The following TENM4 variants were observed in gnomAD, a reference collection of about 807,000 sequenced individuals.
The protein encoded by TENM4 is teneurin transmembrane protein 4, also known as teneurin-4.
A neutral mutation model predicts 243.3 loss-of-function variants in TENM4; 82 were observed. The ratio of observed to expected loss-of-function variants is 0.34; its 90% CI spans 0.28 to 0.40. The LOEUF (loss-of-function observed/expected upper bound fraction) is 0.40. TENM4 is among the 10% of genes least tolerant of loss of function. TENM4 has a pLI of 1.00. For missense variants in TENM4, 3,138 were observed against 3,673.3 expected, an observed-to-expected ratio of 0.85 and a Z score of 3.77; for synonymous variants, 1,412 against 1,456.3, an observed-to-expected ratio of 0.97 and a Z score of 0.69.
intron 6 of TENM4, among the ~76,000 whole-genome samples, chr11:79,061,955 G>A (rs542425520): frequency 7.2e-6 from 1 of 139,508 alleles, no homozygotes; most frequent in Non-Finnish European, 1.5e-5. Flanking sequence ...TGAGATAATC[G>A]GTGGCAACTA....
intron 28 of TENM4, among the ~76,000 whole-genome samples, chr11:78,699,242 C>A (rs1331592658): frequency 6.6e-6 from 1 of 152,214 alleles, no homozygotes; most frequent in Non-Finnish European, 1.5e-5. Flanking sequence ...GAACCTCATA[C>A]TATTCCTATG....
intron 1 of TENM4, among the ~76,000 whole-genome samples, chr11:79,303,760 A>G (rs1856584450): frequency 6.6e-6 from 1 of 152,190 alleles, no homozygotes; most frequent in South Asian, 2.1e-4. Flanking sequence ...ATGAGTTACT[A>G]TAAATTTTAG....
chr11:79,084,567 C>T (rs1860758587), intron 4 of TENM4, among the ~76,000 whole-genome samples: 1 of 152,136 alleles, frequency 6.6e-6, no homozygotes, highest in South Asian at 2.1e-4. Flanking sequence ...AATAAATCAC[C>T]AGGGAATTAT....
chr11:79,183,758 C>T (rs139785003), intron 3 of TENM4, among the ~76,000 whole-genome samples: 20 of 152,076 alleles, frequency 1.3e-4, no homozygotes, highest in African/African-American at 2.2e-4. Context: ...AATGAATGAA[C>T]GAATGACTCA....
intron 6 of TENM4, among the ~76,000 whole-genome samples, chr11:78,931,021 CA>C (rs1856657736): frequency 1.3e-5 from 2 of 152,284 alleles, no homozygotes; most frequent in East Asian, 3.9e-4. Context: ...GTTCCTTAAG[CA>C]AACATCTAAC....
At chr11:78,835,629 G>A (rs1302969039) in intron 12 of TENM4, among the ~76,000 whole-genome samples, 1 of 152,116 alleles carries the variant, frequency 6.6e-6, no homozygotes, top group Non-Finnish European at 1.5e-5. Context: ...TTAATTGTTG[G>A]TGATCTTCAG....
intron 6 of TENM4, among the ~76,000 whole-genome samples, chr11:79,030,333 G>C (rs1361066230): frequency 1.3e-5 from 2 of 152,178 alleles, no homozygotes; most frequent in African/African-American, 4.8e-5. Flanking sequence ...GGTGGGTAAG[G>C]GGAGCCCAGG....
At chr11:78,770,517 G>C (rs1565371874) in intron 18 of TENM4, among the ~76,000 whole-genome samples, 1 of 152,200 alleles carries the variant, frequency 6.6e-6, no homozygotes, top group Non-Finnish European at 1.5e-5. Context: ...TATTACAAAA[G>C]GTGTCTGCTG....
intron 2 of TENM4, among the ~76,000 whole-genome samples, chr11:79,244,795 G>A (rs2135289310): frequency 6.6e-6 from 1 of 152,236 alleles, no homozygotes; most frequent in Admixed American, 6.5e-5. Flanking sequence ...AGAAAGGGAA[G>A]GTGGGGAAAA....
At chr11:79,421,259 C>G (rs897384136) in intron 1 of TENM4, among the ~76,000 whole-genome samples, 1 of 151,934 alleles carries the variant, frequency 6.6e-6, no homozygotes, top group African/African-American at 2.4e-5. Flanking sequence ...AGTCACCCCC[C>G]CTCAAAAAAA....
chr11:79,029,816 AGCCC>A (rs1320241671), intron 6 of TENM4, among the ~76,000 whole-genome samples: 1 of 152,198 alleles, frequency 6.6e-6, no homozygotes, highest in Non-Finnish European at 1.5e-5. Context: ...TTCTCCAGGA[AGCCC>A]TATTAATAAC....
chr11:78,768,209 T>G (rs556231354), intron 18 of TENM4, among the ~76,000 whole-genome samples: 1 of 152,228 alleles, frequency 6.6e-6, no homozygotes, highest in Non-Finnish European at 1.5e-5. Flanking sequence ...GCTCCCGCAG[T>G]GGGTGGACAG....
chr11:79,356,446 C>T lies in TENM4; in HGVS notation c.-320-58903G>A, dbSNP rs77774895. On this transcript the variant is annotated intron_variant, in intron 1 of 33. Coordinates refer to ENST00000278550, the MANE Select transcript of TENM4 (RefSeq NM_001098816.3). The stretch of plus-strand genomic sequence containing the variant: ...AGAGTCATCACCACTACTACTACAG[C>T]GTGGGGCTAGGTTACAGCACAGTTT... Among the ~76,000 whole-genome samples the T allele has an allele frequency of 7.9e-5, 12 of 152,266 alleles. No individual in the cohort carries two copies. The East Asian group carries it at 2.1e-3, about 27-fold the overall frequency.
At chr11:79,238,609 C>T (rs2135276221) in intron 2 of TENM4, among the ~76,000 whole-genome samples, 1 of 152,236 alleles carries the variant, frequency 6.6e-6, no homozygotes, top group Non-Finnish European at 1.5e-5. Context: ...TGGAAGGTGG[C>T]AGATCATGGG....
At chr11:79,201,501 G>GC (rs543299024) in intron 3 of TENM4, among the ~76,000 whole-genome samples, 5 of 19,490 alleles carry the variant, frequency 2.6e-4, no homozygotes, top group South Asian at 2.8e-3. Flanking sequence ...AAATAACCAG[G>GC]CAAAAAAAAA....
chr11:78,668,795 A>G (rs1383177363), intron 32 of TENM4, 142 bp downstream of exon 32: 1 of 1,109,060 alleles, frequency 9.0e-7, no homozygotes, highest in Admixed American at 3.0e-5. Context: ...TGTTTCTTCA[A>G]ACGGACTTTG....
intron 6 of TENM4, among the ~76,000 whole-genome samples, chr11:79,009,906 G>A (rs1285447800): frequency 6.6e-6 from 1 of 152,152 alleles, no homozygotes; most frequent in Admixed American, 6.5e-5. Context: ...CCTGTGGGAG[G>A]TAATTCAGTC....
chr11:79,397,234 C>T (rs1858363509), intron 1 of TENM4, among the ~76,000 whole-genome samples: 1 of 152,204 alleles, frequency 6.6e-6, no homozygotes, highest in South Asian at 2.1e-4. Flanking sequence ...GCAGTGTTCT[C>T]ATTGATTTTT....
intron 6 of TENM4, among the ~76,000 whole-genome samples, chr11:78,996,439 C>T (rs1010744397): frequency 6.6e-6 from 1 of 152,202 alleles, no homozygotes; most frequent in African/African-American, 2.4e-5. Flanking sequence ...AGAGCTCCAG[C>T]CACCATGCGA....
Sources: gnomAD v4.1 joint callset for allele counts (sites outside exome capture counted in the v4.1 genomes callset) on GRCh38, gnomAD v4.1.1 for gene constraint, MANE v1.5 for transcripts, NCBI Gene and HGNC (gene_info 2026-07-23, HGNC 2026-07-21) for gene names.